The following SCN9A variants were observed in gnomAD, a reference collection of about 807,000 sequenced individuals.
SCN9A encodes sodium voltage-gated channel alpha subunit 9, also known as sodium channel protein type 9 subunit alpha.
A neutral mutation model predicts 187.0 loss-of-function variants in SCN9A; 131 were observed. The observed-to-expected ratio is 0.70, with a 90% CI of 0.61 to 0.81. SCN9A has a LOEUF of 0.81. Among genes scored for constraint, SCN9A ranks in the 30% least tolerant of loss-of-function variants. The pLI is 0.00. For synonymous variants in SCN9A, 809 were observed against 808.6 expected (o/e 1.00, Z -0.01); for missense variants, 2,252 against 2,396.6 (o/e 0.94, Z 1.26).
intron 1 of SCN9A, among the ~76,000 whole-genome samples, chr2:166,315,030 G>A (rs966392219): frequency 6.6e-6 from 1 of 152,152 alleles, no homozygotes; most frequent in Non-Finnish European, 1.5e-5. Context: ...CCTAAAATAT[G>A]TGAAAATTGT....
chr2:166,228,247 CTTTTTTTTTTTT>C (rs33924683), intron 22 of SCN9A, among the ~76,000 whole-genome samples: 6 of 85,972 alleles, frequency 7.0e-5, no homozygotes, highest in Non-Finnish European at 1.1e-4. Flanking sequence ...AAGACCAACA[CTTTTTTTTTTTT>C]TTTTTTTTTT....
At chr2:166,297,958 T>C (rs1338549047) in intron 7 of SCN9A, among the ~76,000 whole-genome samples, 1 of 150,508 alleles carries the variant, frequency 6.6e-6, no homozygotes, top group Non-Finnish European at 1.5e-5. Context: ...ATTTTCAAGA[T>C]TAATGTAGCA....
chr2:166,205,787 A>C (rs959205706), intron 24 of SCN9A, among the ~76,000 whole-genome samples: 1 of 152,210 alleles, frequency 6.6e-6, no homozygotes, highest in African/African-American at 2.4e-5. Context: ...TAATATCCAG[A>C]ATCTACAAAG....
At position 166,286,541 on chromosome 2, in the gene SCN9A, G is replaced by A. The variant is rs1378631648; in HGVS notation, c.1397C>T (p.Ser466Phe). Residue 466 changes from serine to phenylalanine, a missense_variant, in exon 11 of 27, where the codon TCC becomes TTC. This residue lies in a region of SCN9A where 1,013 missense variants were observed against 997.4 expected (regional missense o/e 1.02). Transcript: ENST00000642356. ...MGLSESSSET[S>F]KLSSKSAKER... ...TTTAGCACTTTTAGAGCTCAGTTTG[G>A]ATGTTTCAGAAGAACTCTCTGAGAG... The A allele has an allele frequency of 6.2e-7, 1 of 1,610,118 alleles. No individual in the cohort carries two copies. The highest frequency in any genetic ancestry group is 2.2e-5 in the East Asian group (1 of 44,788).
intron 12 of SCN9A, among the ~76,000 whole-genome samples, chr2:166,283,814 T>C (rs554517439): frequency 1.1e-3 from 174 of 152,074 alleles, no homozygotes; most frequent in Non-Finnish European, 1.8e-3. Context: ...GATAGCAGAG[T>C]GAGTGGTTAA....
At chr2:166,330,500 C>G (rs1269205836) in intron 1 of SCN9A, among the ~76,000 whole-genome samples, 1 of 152,178 alleles carries the variant, frequency 6.6e-6, no homozygotes, top group African/African-American at 2.4e-5. Context: ...ATCTGCACTT[C>G]TAACTACTGC....
chr2:166,221,234 C>A (rs1694571633), intron 24 of SCN9A, among the ~76,000 whole-genome samples: 1 of 152,044 alleles, frequency 6.6e-6, no homozygotes, highest in Admixed American at 6.6e-5. Context: ...CCATACTACC[C>A]TAAGTGATCT....
At chr2:166,370,326 T>G (rs576455029) in intron 1 of SCN9A, among the ~76,000 whole-genome samples, 10 of 150,890 alleles carry the variant, frequency 6.6e-5, no homozygotes, top group East Asian at 5.9e-4. Flanking sequence ...GGCGGATCAC[T>G]AGGTCAGGAG....
At chr2:166,365,525 A>T (rs892363360) in intron 1 of SCN9A, among the ~76,000 whole-genome samples, 3 of 152,296 alleles carry the variant, frequency 2.0e-5, no homozygotes, top group African/African-American at 7.2e-5. Flanking sequence ...AAAATCAAGA[A>T]AAACCCTCAT....
chr2:166,225,708 C>G (rs1356230272), intron 24 of SCN9A, among the ~76,000 whole-genome samples: 1 of 152,098 alleles, frequency 6.6e-6, no homozygotes, highest in Non-Finnish European at 1.5e-5. Flanking sequence ...TGAAGTCATA[C>G]TGGAGTGGAG....
chr2:166,217,754 A>G (rs1263589525), intron 24 of SCN9A, among the ~76,000 whole-genome samples: 1 of 152,120 alleles, frequency 6.6e-6, no homozygotes, highest in Non-Finnish European at 1.5e-5. Flanking sequence ...ACCCTTATAC[A>G]TTGTTAGTGA....
At chr2:166,368,787 A>G (rs1444227348) in intron 1 of SCN9A, among the ~76,000 whole-genome samples, 1 of 152,158 alleles carries the variant, frequency 6.6e-6, no homozygotes, top group Non-Finnish European at 1.5e-5. Context: ...CAGGAGTTCA[A>G]GACCAGCCTG....
At chr2:166,299,553 G>A (rs1269970216) in intron 7 of SCN9A, among the ~76,000 whole-genome samples, 1 of 150,668 alleles carries the variant, frequency 6.6e-6, no homozygotes, top group Non-Finnish European at 1.5e-5. Context: ...CTCTTTCTCT[G>A]TGTTCTTTTC....
intron 16 of SCN9A, among the ~76,000 whole-genome samples, chr2:166,276,262 C>T (rs967510764): frequency 2.6e-5 from 4 of 152,022 alleles, no homozygotes; most frequent in African/African-American, 7.2e-5. Flanking sequence ...AAAACTTTTT[C>T]GTAAAGGGCC....
Position 166,305,782 on chromosome 2 carries a change from A to C in SCN9A, c.596+10T>G. 1 of 1,613,354 alleles carries C rather than the reference A, an allele frequency of 6.2e-7. No homozygotes were observed. The highest frequency in any genetic ancestry group is 8.5e-7 in the Non-Finnish European group (1 of 1,179,478). ...TAAATTTGCCGTTTCAAAAAGCTGA[A>C]AGTACTTACGCAAAAACAATGACGA... is the stretch of plus-strand genomic sequence containing the variant. On this transcript the variant is annotated intron_variant, in intron 5 of 26. Transcript: ENST00000642356.
At position 166,277,079 on chromosome 2, in the gene SCN9A, T is replaced by C; in HGVS notation, c.2778A>G (p.Gly926=). The C allele has an allele frequency of 1.2e-6, 2 of 1,613,980 alleles. No homozygotes were observed. The highest frequency in any genetic ancestry group is 1.7e-6 in the Non-Finnish European group (2 of 1,179,972). ...SFLIVFRVLC[G]EWIETMWDCM... is the part of the protein sequence containing the mutation. ...AGTCCCACATGGTCTCTATCCACTC[T>C]CCACACAGCACGCGGAACACAATCA... The change falls in exon 16 of 27, where the codon GGA becomes GGG. Residue 926 remains glycine (G), a synonymous_variant. Coordinates refer to ENST00000642356, the MANE Select transcript of SCN9A (RefSeq NM_001365536.1).
Position 166,370,265 on chromosome 2 carries a change from T to C in SCN9A, c.-51+5432A>G, listed in dbSNP as rs994273355. Among the ~76,000 whole-genome samples, 11 of 142,642 alleles carry C rather than the reference T, an allele frequency of 7.7e-5. 1 individual carries two copies. The highest frequency in any genetic ancestry group is 1.5e-4 in the Non-Finnish European group (10 of 66,384). The allele number at this position is 142,642 out of a possible 152,430, so 93.6% of individuals were successfully genotyped here. On this transcript the variant is annotated intron_variant, in intron 1 of 26. Transcript: ENST00000642356. ...TCATCATCATCATTAGATAATGGGC[T>C]GAGCGCGGTGGCTCATGCTTGTAAT...
At position 166,340,533 on chromosome 2, in the gene SCN9A, TTTCTTTCCCTTTCTTTC is replaced by T. The variant is rs1212850087; in HGVS notation, c.-50-28744_-50-28728del. Among the ~76,000 whole-genome samples the T allele has an allele frequency of 5.9e-4, 70 of 118,126 alleles. 2 individuals are homozygous for T. Among genetic ancestry groups the T allele is most frequent in the African/African-American group, 1.1e-3 (29 of 26,018 alleles). The allele number at this position is 118,126 out of a possible 152,430, so 77.5% of individuals were successfully genotyped here. A position where few individuals can be genotyped will look rare whatever the true frequency, so the allele number is the denominator to read the frequency against. On this transcript the variant is annotated intron_variant, in intron 1 of 26. Transcript: ENST00000642356. ...TTCCTTCCTTCCCTCTCTCCTTTCT[TTTCTTTCCCTTTCTTTC>T]TTTCTTTCTTTCTTTCTTTCTTTCT...
intron 1 of SCN9A, among the ~76,000 whole-genome samples, chr2:166,363,315 T>C (rs1166826038): frequency 6.6e-6 from 1 of 152,056 alleles, no homozygotes; most frequent in Non-Finnish European, 1.5e-5. Context: ...ACTCAAGTAT[T>C]AAGCACCTTC....
Sources: allele counts gnomAD v4.1 joint callset (sites outside exome capture counted in the v4.1 genomes callset), GRCh38; gene constraint gnomAD v4.1.1; regional missense constraint gnomAD v4.1.1; transcripts MANE v1.5; gene names NCBI Gene and HGNC (gene_info 2026-07-23, HGNC 2026-07-21).